Variants in ZNF546 observed in about 807,000 individuals in gnomAD.
The protein encoded by ZNF546 is zinc finger protein 546, also known as CTC-471F3.6.
In ZNF546, 60 loss-of-function variants were observed where a neutral mutation model predicts 76.2. The observed-to-expected ratio is 0.79, with a 90% confidence interval of 0.64 to 0.98. ZNF546 has a LOEUF of 0.98. Ranked by LOEUF, ZNF546 falls within the 50% of genes least tolerant of loss-of-function variation. The probability of loss-of-function intolerance (pLI) is 0.00; values close to 1 mark genes in which losing one functional copy is unlikely to be tolerated. For missense variants in ZNF546, 936 were observed against 1,035.6 expected, an observed-to-expected ratio of 0.90 and a Z score of 1.32; for synonymous variants, 277 against 328.1, an observed-to-expected ratio of 0.84 and a Z score of 1.68.
At chr19:40,010,176 G>T (rs1971654099) in intron 6 of ZNF546, among the ~76,000 whole-genome samples, 1 of 152,166 alleles carries the variant, frequency 6.6e-6, no homozygotes. Flanking sequence ...GCCGAGACAG[G>T]TGGATCACTG....
chr19:40,001,270 G>A (rs973619739), intron 3 of ZNF546, among the ~76,000 whole-genome samples: 44 of 152,178 alleles, frequency 2.9e-4, no homozygotes, highest in African/African-American at 1.0e-3. Context: ...TGACCTGGGG[G>A]TTGGGGACCC....
At position 39,998,294 on chromosome 19, in the gene ZNF546, T is replaced by C. The variant is rs541448183; in HGVS notation, c.-33T>C. On this transcript the variant is annotated 5_prime_UTR_variant, in exon 3 of 7. Coordinates refer to ENST00000347077, the MANE Select transcript of ZNF546 (RefSeq NM_178544.5). Reference sequence around the variant, plus strand: ...TTTTCCTGAATTGTCCAGTGACCTATCCCAGGCCTTCCTTTCCAGTGAACA... The same window carrying C: ...TTTTCCTGAATTGTCCAGTGACCTACCCCAGGCCTTCCTTTCCAGTGAACA... 45 of 1,571,102 alleles carry C rather than the reference T, an allele frequency of 2.9e-5. No individual in the cohort carries two copies. In the South Asian group the frequency reaches 4.2e-4, roughly 15 times the overall value.
chr19:40,014,390 C>A lies in ZNF546; in HGVS notation c.1120C>A (p.Gln374Lys), dbSNP rs759368264. Residue 374 changes from glutamine (Q) to lysine (K), a missense_variant, in exon 7 of 7, where the codon CAA (glutamine) becomes AAA (lysine). By Grantham distance (53) the Gln-to-Lys change is moderately conservative. Coordinates refer to ENST00000347077, the MANE Select transcript of ZNF546 (RefSeq NM_178544.5). ...CTTTAGGGTACAACGACATATTAGTCAACATCAGAAAATTCATACTGGTGT... is the reference window on the plus strand; with the variant it reads ...CTTTAGGGTACAACGACATATTAGTAAACATCAGAAAATTCATACTGGTGT... ...KTFRVQRHIS[Q>K]HQKIHTGVKP... 4 of 1,613,432 alleles carry A rather than the reference C, an allele frequency of 2.5e-6. No homozygotes were observed.
chr19:40,013,966 T>C lies in ZNF546; in HGVS notation c.696T>C (p.Leu232=), dbSNP rs376800069. The change falls in exon 7 of 7, where the codon CTT becomes CTC. Residue 232 remains leucine (L), a synonymous_variant. Transcript: ENST00000347077. ...CRKAFRQQSY[L]IQHLRIHTGE... ...AGGCCTTTAGACAACAGTCATACCT[T>C]ATTCAACATCTGAGAATTCACACTG... 2.5e-6 allele frequency: 4 copies of C among 1,612,852 alleles called. No homozygotes were observed. The African/African-American group carries it at 4.0e-5, about 16-fold the overall frequency.
At chr19:39,997,507 C>T (rs1311774927) in intron 1 of ZNF546, among the ~76,000 whole-genome samples, 1 of 152,142 alleles carries the variant, frequency 6.6e-6, no homozygotes, top group Non-Finnish European at 1.5e-5. Context: ...ATATCGAGCT[C>T]TGGGATGAAG....
chr19:39,998,903 G>A (rs997246745), intron 3 of ZNF546, among the ~76,000 whole-genome samples: 1 of 152,116 alleles, frequency 6.6e-6, no homozygotes, highest in Non-Finnish European at 1.5e-5. Context: ...CTCCCAGGTA[G>A]CTGGGATTAC....
intron 6 of ZNF546, among the ~76,000 whole-genome samples, chr19:40,013,365 A>G (rs1971696017): frequency 1.3e-5 from 2 of 152,178 alleles, no homozygotes; most frequent in Admixed American, 1.3e-4. Context: ...CCATAAGTCA[A>G]GTGTTATTAT....
chr19:40,006,009 G>T, intron 3 of ZNF546, 87 bp from the exon 4 acceptor site: 2 of 1,128,538 alleles, frequency 1.8e-6, no homozygotes, highest in Non-Finnish European at 1.3e-6. Flanking sequence ...AAGTAGAAAT[G>T]ATGGCATAAC....
intron 6 of ZNF546, among the ~76,000 whole-genome samples, 167 bp from the exon 7 acceptor site, chr19:40,013,498 A>G (rs1306081720): frequency 6.6e-6 from 1 of 152,180 alleles, no homozygotes; most frequent in Admixed American, 6.5e-5. Context: ...TCTTTTAAAG[A>G]AGAAGTTTGT....
chr19:40,009,310 T>A (rs1199141879), intron 6 of ZNF546, among the ~76,000 whole-genome samples: 1 of 152,246 alleles, frequency 6.6e-6, no homozygotes, highest in African/African-American at 2.4e-5. Flanking sequence ...GATGTGAACA[T>A]TCTTGTACAA....
chr19:40,014,947 G>A lies in ZNF546; in HGVS notation c.1677G>A (p.Gly559=), dbSNP rs757205317. ...CEKPYECKEC[G]KAFIHSNQFI... The stretch of plus-strand genomic sequence containing the variant: ...AACCCTATGAATGTAAGGAATGTGG[G>A]AAGGCTTTTATTCATAGCAATCAAT... The change falls in exon 7 of 7, where the codon GGG becomes GGA. Residue 559 remains glycine (G), a synonymous_variant. Transcript: ENST00000347077. 2 of 1,614,004 alleles carry A rather than the reference G, an allele frequency of 1.2e-6. No individual in the cohort carries two copies. The highest frequency in any genetic ancestry group is 2.7e-5 in the African/African-American group (2 of 74,922).
At chr19:40,004,033 T>TAC (rs1568384513) in intron 3 of ZNF546, among the ~76,000 whole-genome samples, 1 of 143,982 alleles carries the variant, frequency 6.9e-6, no homozygotes, top group Non-Finnish European at 1.5e-5. Flanking sequence ...TATATATAAA[T>TAC]ATATAAATAT....
chr19:40,014,873 C>A lies in ZNF546; in HGVS notation c.1603C>A (p.Arg535Ser), dbSNP rs146732400. 1.2e-6 allele frequency: 2 copies of A among 1,613,002 alleles called. No homozygotes were observed. Among genetic ancestry groups the A allele is most frequent in the South Asian group, 2.2e-5 (2 of 91,000 alleles). The change falls in exon 7 of 7, where the codon CGT becomes AGT. Residue 535 changes from arginine (R) to serine (S), a missense_variant. Transcript: ENST00000347077. ...YICNECGKAF[R>S]LQGELTRHHR... ...ATGTAACGAATGTGGAAAAGCCTTT[C>A]GTCTTCAAGGAGAACTTACCCGACA...
intron 3 of ZNF546, among the ~76,000 whole-genome samples, chr19:40,002,154 T>C (rs1033196660): frequency 2.6e-5 from 4 of 152,202 alleles, no homozygotes; most frequent in African/African-American, 9.6e-5. Context: ...GATGTCTTCC[T>C]CCAAAAATAA....
At chr19:40,009,011 G>C (rs981343907) in intron 6 of ZNF546, among the ~76,000 whole-genome samples, 1 of 152,084 alleles carries the variant, frequency 6.6e-6, no homozygotes, top group Admixed American at 6.6e-5. Flanking sequence ...TTATAGTAAG[G>C]GAAACATGTT....
rs1406087018 is a variant in ZNF546, at chr19:40,016,829, T to A, written c.*1048T>A. ...TTATGATATATATAAATAATATAAT[T>A]CTCATAATTCCACCTCTGCCTATGT... is the stretch of plus-strand genomic sequence containing the variant. On this transcript the variant is annotated 3_prime_UTR_variant, in exon 7 of 7. Transcript: ENST00000347077. The A allele has an allele frequency of 2.0e-5, 3 of 152,182 alleles. No homozygotes were observed. The highest frequency in any genetic ancestry group is 7.2e-5 in the African/African-American group (3 of 41,454). The allele number at this position is 152,182 out of a possible 1,614,324, so 9.4% of individuals were successfully genotyped here.
Position 40,015,096 on chromosome 19 carries a change from A to G in ZNF546, c.1826A>G (p.Tyr609Cys). 1 of 1,614,142 alleles carries G rather than the reference A, an allele frequency of 6.2e-7. No homozygotes were observed. The highest frequency in any genetic ancestry group is 8.5e-7 in the Non-Finnish European group (1 of 1,179,978). ...AAAATTCATACTGGTGAAAAACCCT[A>G]CATATGTAATGAATGTGGGAAAGCC... Reference protein sequence around the residue: ...HFKIHTGEKPYICNECGKAFR... With the variant: ...HFKIHTGEKPCICNECGKAFR... Residue 609 changes from tyrosine (Y) to cysteine (C), a missense_variant, in exon 7 of 7, where the codon TAC (tyrosine) becomes TGC (cysteine). Coordinates refer to ENST00000347077, the MANE Select transcript of ZNF546 (RefSeq NM_178544.5).
chr19:40,015,349 C>T lies in ZNF546; in HGVS notation c.2079C>T (p.Tyr693=), dbSNP rs143797522. Residue 693 remains tyrosine (Y), a synonymous_variant, in exon 7 of 7, where the codon TAC becomes TAT. Transcript: ENST00000347077. Reference sequence around the variant, plus strand: ...GAGGCCATACTGGTGAGAAGCCCTACATATGTAATGAATGTGGGAATGCTT... The same window carrying T: ...GAGGCCATACTGGTGAGAAGCCCTATATATGTAATGAATGTGGGAATGCTT... ...HHRGHTGEKP[Y]ICNECGNAFI... The T allele has an allele frequency of 7.0e-3, 11,362 of 1,614,062 alleles. 66 individuals carry two copies. Among genetic ancestry groups the T allele is most frequent in the Non-Finnish European group, 7.5e-3 (8,865 of 1,180,020 alleles).
chr19:39,999,796 C>G (rs1280357130), intron 3 of ZNF546: 3 of 151,862 alleles, frequency 2.0e-5, no homozygotes, highest in Non-Finnish European at 1.5e-5. Context: ...AAGCTGGTCT[C>G]AAACTCCTGA....
Sources: allele counts gnomAD v4.1 joint callset (sites outside exome capture counted in the v4.1 genomes callset), GRCh38; gene constraint gnomAD v4.1.1; transcripts MANE v1.5; gene names NCBI Gene and HGNC (gene_info 2026-07-23, HGNC 2026-07-21).